Variants in IWS1 observed in about 807,000 individuals in gnomAD.
The protein encoded by IWS1 is interacts with SUPT6H, CTD assembly factor 1.
IWS1 carries 27 observed loss-of-function variants against 86.7 expected under a neutral mutation model. The ratio of observed to expected loss-of-function variants is 0.31; its 90% CI spans 0.23 to 0.43. IWS1 has a LOEUF of 0.43. Ranked by LOEUF, IWS1 falls within the 20% of genes least tolerant of loss-of-function variation. IWS1 has a pLI of 1.00. For synonymous variants in IWS1, 313 were observed against 335.1 expected (o/e 0.93, Z 0.72); for missense variants, 827 against 1,000.8 (o/e 0.83, Z 2.34).
At position 127,489,516 on chromosome 2, in the gene IWS1, A is replaced by C. The variant is rs1690108650; in HGVS notation, c.2160-281T>G. The C allele has an allele frequency of 4.0e-6, 2 of 496,678 alleles. No individual in the cohort carries two copies. The highest frequency in any genetic ancestry group is 7.1e-6 in the Non-Finnish European group (2 of 282,576). 30.8% of individuals were successfully genotyped at this position (496,678 alleles called of 1,614,324 possible). Reference sequence around the variant, plus strand: ...ATTATCAATACAAACTAAAACTATAACATTTTTTCTTCTAGGAACTCGGAA... The same window carrying C: ...ATTATCAATACAAACTAAAACTATACCATTTTTTCTTCTAGGAACTCGGAA... On this transcript the variant is annotated intron_variant, in intron 11 of 13. Transcript: ENST00000295321. This position sits in a 1 kb window ranked among gnomAD's most constrained non-coding sequence, Gnocchi z 4.8.
At chr2:127,483,583 T>TGGGGG (rs1407597392) in intron 13 of IWS1, among the ~76,000 whole-genome samples, 25 of 20,610 alleles carry the variant, frequency 1.2e-3, no homozygotes, top group East Asian at 4.3e-3. Flanking sequence ...GGGCGGGGGG[T>TGGGGG]GGTGGGGTGG....
chr2:127,522,546 G>A (rs1558773306), intron 2 of IWS1, among the ~76,000 whole-genome samples: 1 of 152,200 alleles, frequency 6.6e-6, no homozygotes, highest in Non-Finnish European at 1.5e-5. Context: ...ACACATATTA[G>A]GTGCTCAATA....
intron 13 of IWS1, 101 bp downstream of exon 13, chr2:127,486,452 A>G: frequency 1.2e-6 from 1 of 843,178 alleles, no homozygotes; most frequent in African/African-American, 1.7e-5. Context: ...TCTCTGAATC[A>G]GACAAACTTC....
intron 13 of IWS1, among the ~76,000 whole-genome samples, chr2:127,482,053 G>T (rs930566326): frequency 6.6e-6 from 1 of 152,174 alleles, no homozygotes. Flanking sequence ...TGCTAGAAAG[G>T]TTTGCTGACT....
chr2:127,504,140 G>GTAA (rs1450527119), intron 3 of IWS1, among the ~76,000 whole-genome samples: 1 of 152,220 alleles, frequency 6.6e-6, no homozygotes, highest in Non-Finnish European at 1.5e-5. Flanking sequence ...AAGTAGACAA[G>GTAA]TAATACTATC....
At chr2:127,493,098 ATG>A in intron 9 of IWS1, 181 bp downstream of exon 9, 2 of 465,232 alleles carry the variant, frequency 4.3e-6, no homozygotes, top group Non-Finnish European at 7.3e-6. Context: ...CGATAGTTAC[ATG>A]AAGTTTTATA....
In IWS1 at chr2:127,489,882, TTCTTC is replaced by T; in HGVS notation, c.2104_2108del (p.Glu702LysfsTer39). ...TCTGTTCTAGATCTCTCTGCTCCCT[TTCTTC>T]TCTTGTCATTCCTTTGTAGTTTGAG... On this transcript the variant is annotated frameshift_variant, in exon 11 of 14. Transcript: ENST00000295321. LOFTEE classifies it high-confidence loss of function. The surrounding 1 kb of genome is among the most constrained non-coding windows in gnomAD (Gnocchi z 4.8). The T allele has an allele frequency of 1.2e-6, 2 of 1,613,222 alleles. No homozygotes were observed. The highest frequency in any genetic ancestry group is 1.7e-6 in the Non-Finnish European group (2 of 1,179,164).
At chr2:127,501,589 C>CAG (rs1690815469) in intron 5 of IWS1, among the ~76,000 whole-genome samples, 1 of 152,082 alleles carries the variant, frequency 6.6e-6, no homozygotes, top group Admixed American at 6.5e-5. Flanking sequence ...TTCCTTTCTT[C>CAG]TGTAATACTG....
chr2:127,506,783 T>C (rs1176677222), intron 2 of IWS1: 2 of 167,960 alleles, frequency 1.2e-5, no homozygotes, highest in Admixed American at 6.5e-5. Flanking sequence ...CAACACATAA[T>C]GTTACTTGAA....
rs1364423865 is a variant in IWS1, at chr2:127,503,333, C to CTCT, written c.1409+51_1409+53dup. On this transcript the variant is annotated intron_variant, in intron 4 of 13. Transcript: ENST00000295321. ...ACATATTGTATTATAACACAGACCC[C>CTCT]TCTCTACTGCCTAATTAAGAACCCC... is the stretch of plus-strand genomic sequence containing the variant. 3 of 1,342,764 alleles carry CTCT rather than the reference C, an allele frequency of 2.2e-6. No individual in the cohort carries two copies. In the African/African-American group the frequency reaches 4.3e-5, roughly 19 times the overall value. The allele number at this position is 1,342,764 out of a possible 1,614,324, so 83.2% of individuals were successfully genotyped here.
At chr2:127,504,409 T>A (rs11893405) in intron 3 of IWS1, among the ~76,000 whole-genome samples, 2,194 of 146,116 alleles carry the variant, frequency 0.015, 46 homozygotes, top group African/African-American at 0.047. Context: ...CTTCCAGTTT[T>A]AAAAAAAAAA....
chr2:127,523,577 C>T, intron 2 of IWS1, 99 bp downstream of exon 2: 1 of 777,956 alleles, frequency 1.3e-6, no homozygotes, highest in Non-Finnish European at 2.1e-6. Flanking sequence ...AGAGATTAAA[C>T]CCTAAACTCT....
intron 13 of IWS1, among the ~76,000 whole-genome samples, chr2:127,483,889 C>G (rs1353057965): frequency 6.6e-6 from 1 of 152,046 alleles, no homozygotes; most frequent in Non-Finnish European, 1.5e-5. Flanking sequence ...AGAAAAAAGA[C>G]AACAAATACA....
intron 2 of IWS1, among the ~76,000 whole-genome samples, chr2:127,517,194 G>T (rs954143307): frequency 1.1e-4 from 17 of 152,090 alleles, no homozygotes; most frequent in Non-Finnish European, 1.5e-5. Context: ...CTACAGATTC[G>T]GTGCAATCCC....
chr2:127,521,976 C>T (rs1294974514), intron 2 of IWS1, among the ~76,000 whole-genome samples: 3 of 152,186 alleles, frequency 2.0e-5, no homozygotes, highest in African/African-American at 7.2e-5. Context: ...AAATATCATG[C>T]ACTAAATGCA....
chr2:127,512,502 T>C (rs1691525595), intron 2 of IWS1, among the ~76,000 whole-genome samples: 1 of 152,220 alleles, frequency 6.6e-6, no homozygotes, highest in Non-Finnish European at 1.5e-5. Flanking sequence ...AGCATTACCT[T>C]CCATTAAGCT....
At chr2:127,483,440 C>G (rs1689739996) in intron 13 of IWS1, among the ~76,000 whole-genome samples, 2 of 150,378 alleles carry the variant, frequency 1.3e-5, no homozygotes. Context: ...GAAACCATCT[C>G]TACAAAGAAA....
intron 13 of IWS1, among the ~76,000 whole-genome samples, chr2:127,485,519 C>G (rs1689881650): frequency 6.6e-6 from 1 of 152,164 alleles, no homozygotes; most frequent in Admixed American, 6.5e-5. Flanking sequence ...AAACAAGCTA[C>G]CTCCCACCAG....
chr2:127,516,176 C>T (rs968376879), intron 2 of IWS1, among the ~76,000 whole-genome samples: 1 of 152,088 alleles, frequency 6.6e-6, no homozygotes, highest in Non-Finnish European at 1.5e-5. Flanking sequence ...GCCTAGGCAA[C>T]GTGGCAAAAC....
Sources: gnomAD v4.1 joint callset for allele counts (sites outside exome capture counted in the v4.1 genomes callset) on GRCh38, gnomAD v4.1.1 for gene constraint, Gnocchi (gnomAD v3.1) non-coding constraint, MANE v1.5 for transcripts, NCBI Gene and HGNC (gene_info 2026-07-23, HGNC 2026-07-21) for gene names.